The following ARID3B variants were observed in gnomAD, a reference collection of about 807,000 sequenced individuals.
ARID3B encodes AT-rich interactive domain-containing protein 3B.
A neutral mutation model predicts 51.9 loss-of-function variants in ARID3B; 10 were observed. That is an observed-to-expected ratio of 0.19 (90% CI 0.12 to 0.33). ARID3B has a LOEUF of 0.33. Among genes scored for constraint, ARID3B ranks in the 10% least tolerant of loss-of-function variants. The pLI, the probability that ARID3B is intolerant of heterozygous loss-of-function variation, is 1.00. For synonymous variants in ARID3B, 205 were observed against 279.5 expected (o/e 0.73, Z 2.66); for missense variants, 483 against 716.3 (o/e 0.67, Z 3.72).
At chr15:74,576,601 A>G (rs891183422) in intron 4 of ARID3B, among the ~76,000 whole-genome samples, 4 of 152,048 alleles carry the variant, frequency 2.6e-5, no homozygotes, top group African/African-American at 9.7e-5. Flanking sequence ...GGGGGCCGTC[A>G]TGGAGGCCAA....
At position 74,558,064 on chromosome 15, in the gene ARID3B, G is replaced by A. The variant is rs552393409; in HGVS notation, c.552+13576G>A. On this transcript the variant is annotated intron_variant, in intron 2 of 8. Coordinates refer to ENST00000346246, the MANE Select transcript of ARID3B (RefSeq NM_006465.4). ...TCTCGATCTCCTGACCTCATGATCC[G>A]CCCACCTCGGCCTCCCAAAGTGCTG... 1.7e-3 allele frequency among the ~76,000 whole-genome samples: 262 copies of A among 151,610 alleles called. 2 individuals are homozygous for A. The highest frequency in any genetic ancestry group is 1.5e-3 in the Non-Finnish European group (100 of 67,892).
intron 2 of ARID3B, 25 bp from the exon 3 acceptor site, chr15:74,572,837 A>T: frequency 6.2e-7 from 1 of 1,612,532 alleles, no homozygotes; most frequent in South Asian, 1.1e-5. Flanking sequence ...TGCCCCTCTC[A>T]ACTTTGTGTT....
At chr15:74,572,293 A>G (rs552161340) in intron 2 of ARID3B, among the ~76,000 whole-genome samples, 2 of 152,332 alleles carry the variant, frequency 1.3e-5, no homozygotes, top group South Asian at 4.1e-4. Flanking sequence ...CAGAGTCTGT[A>G]CCTTGGAAAC....
chr15:74,572,966 G>A, intron 3 of ARID3B, 33 bp downstream of exon 3: 4 of 1,611,868 alleles, frequency 2.5e-6, no homozygotes, highest in Non-Finnish European at 1.7e-6. Flanking sequence ...TACAGATAGG[G>A]GCAGTTCTGC....
At chr15:74,583,609 T>G (rs2061769540) in intron 4 of ARID3B, among the ~76,000 whole-genome samples, 1 of 151,780 alleles carries the variant, frequency 6.6e-6, no homozygotes. Flanking sequence ...CCCAGCCACT[T>G]GGGAGCCGGA....
intron 4 of ARID3B, among the ~76,000 whole-genome samples, chr15:74,586,752 G>A (rs1230309706): frequency 6.6e-6 from 1 of 152,212 alleles, no homozygotes; most frequent in Non-Finnish European, 1.5e-5. Context: ...TGGTAGGCAT[G>A]GTAAAGGAAA....
At chr15:74,572,522 G>A (rs1007590586) in intron 2 of ARID3B, among the ~76,000 whole-genome samples, 6 of 152,204 alleles carry the variant, frequency 3.9e-5, no homozygotes, top group African/African-American at 9.7e-5. Flanking sequence ...GCGATCAGCC[G>A]GGAATGAGCC....
rs746431338 is a variant in ARID3B, at chr15:74,595,733, G to A, written c.1642G>A (p.Gly548Ser). The change falls in exon 9 of 9, where the codon GGC becomes AGC. Residue 548 changes from glycine to serine, a missense_variant. By Grantham distance (56) the Gly-to-Ser change is moderately conservative. Transcript: ENST00000346246. ...TTCACCAAGTCCTACCTCATCCCGGGGCACCCCCAGCGCAGAGCCCTCCAC... is the reference window on the plus strand; with the variant it reads ...TTCACCAAGTCCTACCTCATCCCGGAGCACCCCCAGCGCAGAGCCCTCCAC... Reference protein sequence around the residue: ...HCSPSPTSSRGTPSAEPSTSW... With the variant: ...HCSPSPTSSRSTPSAEPSTSW... 6.2e-7 allele frequency: 1 copy of A among 1,611,956 alleles called. No homozygotes were observed. The highest frequency in any genetic ancestry group is 1.1e-5 in the South Asian group (1 of 90,888).
intron 4 of ARID3B, 98 bp downstream of exon 4, chr15:74,573,302 A>C: frequency 4.8e-5 from 63 of 1,309,106 alleles, no homozygotes; most frequent in Non-Finnish European, 6.4e-5. Context: ...ACTAATCCTC[A>C]TCCAGGAGGA....
At chr15:74,576,970 A>G (rs144487943) in intron 4 of ARID3B, among the ~76,000 whole-genome samples, 29 of 152,342 alleles carry the variant, frequency 1.9e-4, no homozygotes, top group African/African-American at 6.5e-4. Flanking sequence ...CTGAAGAGCC[A>G]TGTTTGCCCA....
At chr15:74,557,344 A>G (rs574442682) in intron 2 of ARID3B, among the ~76,000 whole-genome samples, 7 of 151,626 alleles carry the variant, frequency 4.6e-5, no homozygotes, top group African/African-American at 1.5e-4. Context: ...TGAGCCCAAG[A>G]GATGGAGGCT....
At chr15:74,548,866 C>T (rs1468589128) in intron 2 of ARID3B, among the ~76,000 whole-genome samples, 6 of 152,058 alleles carry the variant, frequency 3.9e-5, no homozygotes, top group African/African-American at 9.7e-5. Context: ...GAGGGAGTTT[C>T]GTGTTTGTTT....
intron 4 of ARID3B, among the ~76,000 whole-genome samples, chr15:74,577,001 A>T (rs1176637375): frequency 6.6e-6 from 1 of 152,236 alleles, no homozygotes. Context: ...CAGTCTGTAG[A>T]TATAGCTGAG....
chr15:74,555,610 G>T (rs1309175771), intron 2 of ARID3B, among the ~76,000 whole-genome samples: 1 of 151,984 alleles, frequency 6.6e-6, no homozygotes, highest in Non-Finnish European at 1.5e-5. Context: ...GGGATTACAG[G>T]CATGAGCCAC....
At chr15:74,566,701 G>A (rs2061700145) in intron 2 of ARID3B, among the ~76,000 whole-genome samples, 1 of 152,072 alleles carries the variant, frequency 6.6e-6, no homozygotes, top group South Asian at 2.1e-4. Context: ...AATCTTCATT[G>A]TAGGGTGGAA....
In ARID3B at chr15:74,595,624, C is replaced by T. The variant is rs779033860; in HGVS notation, c.1533C>T (p.Ala511=). The T allele has an allele frequency of 1.1e-5, 18 of 1,612,584 alleles. No individual in the cohort carries two copies. Among genetic ancestry groups the T allele is most frequent in the African/African-American group, 5.3e-5 (4 of 74,880 alleles). The part of the protein sequence containing the change: ...DGTTYAGVLF[A]QKPVVHLITG... The stretch of plus-strand genomic sequence containing the variant: ...CCACCCACCAAGGTGTGCTGTTTGC[C>T]CAGAAGCCTGTGGTCCACCTCATCA... Residue 511 remains alanine, a synonymous_variant, in exon 9 of 9, where the codon GCC becomes GCT. Transcript: ENST00000346246.
intron 4 of ARID3B, among the ~76,000 whole-genome samples, chr15:74,584,947 G>C (rs1222125340): frequency 6.6e-6 from 1 of 152,198 alleles, no homozygotes; most frequent in African/African-American, 2.4e-5. Context: ...AATCTGATAA[G>C]GGGCCTCTTT....
Position 74,565,947 on chromosome 15 carries a change from T to C in ARID3B, c.553-6915T>C, listed in dbSNP as rs150124281. Among the ~76,000 whole-genome samples the C allele has an allele frequency of 2.6e-5, 4 of 152,314 alleles. No individual in the cohort carries two copies. In the East Asian group the frequency reaches 7.7e-4, roughly 29 times the overall value. ...TCACTAGGCAGTGGTCTGTTTTCATTAGTGCTTAAAGGCTTCCTGCTTGAT... is the reference window on the plus strand; with the variant it reads ...TCACTAGGCAGTGGTCTGTTTTCATCAGTGCTTAAAGGCTTCCTGCTTGAT... On this transcript the variant is annotated intron_variant, in intron 2 of 8. Coordinates refer to ENST00000346246, the MANE Select transcript of ARID3B (RefSeq NM_006465.4).
At chr15:74,571,427 T>C (rs1464975585) in intron 2 of ARID3B, among the ~76,000 whole-genome samples, 1 of 152,206 alleles carries the variant, frequency 6.6e-6, no homozygotes. Flanking sequence ...CATGCACCTG[T>C]GGTCCTGTGG....
Sources: allele counts gnomAD v4.1 joint callset (sites outside exome capture counted in the v4.1 genomes callset), GRCh38; gene constraint gnomAD v4.1.1; transcripts MANE v1.5; gene names NCBI Gene and HGNC (gene_info 2026-07-23, HGNC 2026-07-21).